OPRD1: variants seen among roughly 807,000 people sequenced by gnomAD.
The protein encoded by OPRD1 is opioid receptor delta 1.
Under a neutral mutation model 17.5 loss-of-function variants are expected in OPRD1, and 19 were observed. The observed-to-expected ratio is 1.09, with a 90% CI of 0.76 to 1.60. The LOEUF is 1.60. Ranked by LOEUF, OPRD1 falls within the 40% of genes most tolerant of loss-of-function variation. The probability of loss-of-function intolerance (pLI) is 0.00; values close to 1 mark genes in which losing one functional copy is unlikely to be tolerated. For synonymous variants in OPRD1, 256 were observed against 240.9 expected, an observed-to-expected ratio of 1.06 and a Z score of -0.58; for missense variants, 483 against 547.2, an observed-to-expected ratio of 0.88 and a Z score of 1.17.
intron 1 of OPRD1, among the ~76,000 whole-genome samples, chr1:28,832,472 C>T (rs1338792444): frequency 6.6e-6 from 1 of 152,022 alleles, no homozygotes; most frequent in Admixed American, 6.6e-5. Context: ...ACAAAATTAG[C>T]CAGGAATGGT....
At chr1:28,822,420 T>C (rs1187705095) in intron 1 of OPRD1, among the ~76,000 whole-genome samples, 1 of 152,006 alleles carries the variant, frequency 6.6e-6, no homozygotes, top group East Asian at 1.9e-4. Flanking sequence ...CAAGCAGAAT[T>C]GCAGGCCCCT....
Position 28,830,633 on chromosome 1 carries a change from T to TTGTATGAGCTC in OPRD1, c.227+18023_227+18024insTGTATGAGCTC, listed in dbSNP as rs1356732551. Among the ~76,000 whole-genome samples, 7 of 152,194 alleles carry TTGTATGAGCTC rather than the reference T, an allele frequency of 4.6e-5. No homozygotes were observed. In the East Asian group the frequency reaches 5.8e-4, roughly 13 times the overall value. ...AAGAATTACCAAAATATGACATAGA[T>TTGTATGAGCTC]ACAAAGTGAGCACTTGCTGTTGGAA... On this transcript the variant is annotated intron_variant, in intron 1 of 2. Coordinates refer to ENST00000234961, the MANE Select transcript of OPRD1 (RefSeq NM_000911.4).
chr1:28,848,085 TA>T (rs897640039), intron 1 of OPRD1, among the ~76,000 whole-genome samples: 3 of 151,948 alleles, frequency 2.0e-5, no homozygotes, highest in African/African-American at 4.8e-5. Flanking sequence ...TGTTCCCTAC[TA>T]AAAATACAAA....
rs572660798 is a variant in OPRD1, at chr1:28,862,713, G to A, written c.578-29G>A. ...CTTAGGCACACAGGCCCCTCACCCC[G>A]TCTGTCTTTCCTTGTTTCCGCGGCC... On this transcript the variant is annotated intron_variant, in intron 2 of 2. Coordinates refer to ENST00000234961, the MANE Select transcript of OPRD1 (RefSeq NM_000911.4). 8 of 1,556,434 alleles carry A rather than the reference G, an allele frequency of 5.1e-6. No homozygotes were observed. The South Asian group carries it at 7.4e-5, about 14-fold the overall frequency.
At chr1:28,822,488 CTGAT>C (rs1448510266) in intron 1 of OPRD1, among the ~76,000 whole-genome samples, 1 of 151,750 alleles carries the variant, frequency 6.6e-6, no homozygotes, top group African/African-American at 2.4e-5. Context: ...GATTGATTGA[CTGAT>C]TGATTTTAGA....
intron 1 of OPRD1, among the ~76,000 whole-genome samples, chr1:28,818,045 C>A (rs1227012329): frequency 6.6e-6 from 1 of 151,992 alleles, no homozygotes; most frequent in African/African-American, 2.4e-5. Context: ...AAAATTGGGG[C>A]GATATGACAG....
chr1:28,870,303 G>A lies in OPRD1; in HGVS notation c.*7020G>A, dbSNP rs2089206316. ...GTCTCACTCTGTCACCCAGGCTGAA[G>A]TGCAATGGCGAGATCTCGGCTCACT... is the stretch of plus-strand genomic sequence containing the variant. On this transcript the variant is annotated 3_prime_UTR_variant, in exon 3 of 3. Coordinates refer to ENST00000234961, the MANE Select transcript of OPRD1 (RefSeq NM_000911.4). 6.7e-6 allele frequency: 1 copy of A among 148,226 alleles called. No homozygotes were observed. The highest frequency in any genetic ancestry group is 1.5e-5 in the Non-Finnish European group (1 of 67,600). 9.2% of individuals were successfully genotyped at this position (148,226 alleles called of 1,614,324 possible). A position where few individuals can be genotyped will look rare whatever the true frequency, so the allele number is the denominator to read the frequency against.
At position 28,867,540 on chromosome 1, in the gene OPRD1, C is replaced by T. The variant is rs757615926; in HGVS notation, c.*4257C>T. The T allele has an allele frequency of 3.3e-5, 5 of 151,778 alleles. No individual in the cohort carries two copies. Among genetic ancestry groups the T allele is most frequent in the Non-Finnish European group, 5.9e-5 (4 of 68,016 alleles). The allele number at this position is 151,778 out of a possible 1,614,324, so 9.4% of individuals were successfully genotyped here. ...TTTTTCAATAGAGACCAGAGTGTCTCTGTGTTGCCCAGACTGGTCTTGAAC... is the reference window on the plus strand; with the variant it reads ...TTTTTCAATAGAGACCAGAGTGTCTTTGTGTTGCCCAGACTGGTCTTGAAC... On this transcript the variant is annotated 3_prime_UTR_variant, in exon 3 of 3. Coordinates refer to ENST00000234961, the MANE Select transcript of OPRD1 (RefSeq NM_000911.4).
chr1:28,837,048 G>A (rs2088859555), intron 1 of OPRD1, among the ~76,000 whole-genome samples: 1 of 152,108 alleles, frequency 6.6e-6, no homozygotes, highest in South Asian at 2.1e-4. Flanking sequence ...CTCACCGTAA[G>A]GTAGAATCAG....
intron 1 of OPRD1, among the ~76,000 whole-genome samples, chr1:28,833,811 G>C (rs1310826491): frequency 6.6e-6 from 1 of 152,178 alleles, no homozygotes; most frequent in Admixed American, 6.6e-5. Context: ...AAATGCCGTG[G>C]TAGTGCTTAC....
chr1:28,834,115 T>C (rs2088829939), intron 1 of OPRD1, among the ~76,000 whole-genome samples: 1 of 152,158 alleles, frequency 6.6e-6, no homozygotes, highest in African/African-American at 2.4e-5. Context: ...TTTCACCATG[T>C]TGGCCAGTTT....
chr1:28,858,854 C>T lies in OPRD1; in HGVS notation c.228-100C>T, dbSNP rs905656881. On this transcript the variant is annotated intron_variant, in intron 1 of 2. Transcript: ENST00000234961. ...AGGCACCATGCCTAGCCTCCCCTGACCTTTTGCATGTCCTTAGGAAAGCTA... is the reference window on the plus strand; with the variant it reads ...AGGCACCATGCCTAGCCTCCCCTGATCTTTTGCATGTCCTTAGGAAAGCTA... 8 of 1,184,300 alleles carry T rather than the reference C, an allele frequency of 6.8e-6. No homozygotes were observed. The African/African-American group carries it at 1.2e-4, about 18-fold the overall frequency. 73.4% of individuals were successfully genotyped at this position (1,184,300 alleles called of 1,614,324 possible). A position where few individuals can be genotyped will look rare whatever the true frequency, so the allele number is the denominator to read the frequency against.
In OPRD1 at chr1:28,855,679, C is replaced by G. The variant is rs963196110; in HGVS notation, c.228-3275C>G. 2.6e-5 allele frequency among the ~76,000 whole-genome samples: 4 copies of G among 152,290 alleles called. No homozygotes were observed. The South Asian group carries it at 8.3e-4, about 32-fold the overall frequency. ...CACCCACTTCCCAGCATCCCAGCCCCCTCTGGGAATGGAAGGATCCTTCAC... is the reference window on the plus strand; with the variant it reads ...CACCCACTTCCCAGCATCCCAGCCCGCTCTGGGAATGGAAGGATCCTTCAC... On this transcript the variant is annotated intron_variant, in intron 1 of 2. Transcript: ENST00000234961.
chr1:28,863,249 C>T lies in OPRD1; in HGVS notation c.1085C>T (p.Pro362Leu), dbSNP rs975083278. Residue 362 changes from proline to leucine, a missense_variant, in exon 3 of 3, where the codon CCG (proline) becomes CTG (leucine). Pro to Leu is a moderately conservative substitution (Grantham distance 98, BLOSUM62 -3). Transcript: ENST00000234961. ...TARERVTACT[P>L]SDGPGGGAAA is the part of the protein sequence containing the mutation. The stretch of plus-strand genomic sequence containing the variant: ...CGCGAGCGTGTCACCGCCTGCACCC[C>T]GTCCGATGGTCCCGGCGGTGGCGCT... 4 of 1,523,498 alleles carry T rather than the reference C, an allele frequency of 2.6e-6. No individual in the cohort carries two copies. The highest frequency in any genetic ancestry group is 1.2e-5 in the South Asian group (1 of 80,036). 94.4% of individuals were successfully genotyped at this position (1,523,498 alleles called of 1,614,324 possible). A position where few individuals can be genotyped will look rare whatever the true frequency, so the allele number is the denominator to read the frequency against.
chr1:28,845,944 C>T (rs1044177038), intron 1 of OPRD1, among the ~76,000 whole-genome samples: 3 of 152,314 alleles, frequency 2.0e-5, no homozygotes, highest in Non-Finnish European at 4.4e-5. Context: ...AAGAAACTCA[C>T]ATAAATGAAC....
rs1177963730 is a variant in OPRD1, at chr1:28,859,297, C to T, written c.571C>T (p.Pro191Ser). The T allele has an allele frequency of 1.9e-6, 3 of 1,610,714 alleles. No homozygotes were observed. Among genetic ancestry groups the T allele is most frequent in the Admixed American group, 1.7e-5 (1 of 59,894 alleles). Residue 191 changes from proline (P) to serine (S), a missense_variant, in exon 2 of 3, where the codon CCC (proline) becomes TCC (serine). By Grantham distance (74) the Pro-to-Ser change is moderately conservative. Transcript: ENST00000234961. ...CATCATGGTCATGGCTGTGACCCGT[C>T]CCCGGGGTGAGTGAGTGAGTGCACC... ...VPIMVMAVTR[P>S]RDGAVVCMLQ...
chr1:28,846,704 AAGAGAG>A (rs61567872), intron 1 of OPRD1, among the ~76,000 whole-genome samples: 1 of 140,576 alleles, frequency 7.1e-6, no homozygotes, highest in South Asian at 2.3e-4. Context: ...AAAAAAAAAA[AAGAGAG>A]AGAGAGAGCG....
At chr1:28,819,767 G>A in intron 1 of OPRD1, among the ~76,000 whole-genome samples, 1 of 152,204 alleles carries the variant, frequency 6.6e-6, no homozygotes. Context: ...ATGGCGGAAT[G>A]GAGGCGAGTG....
chr1:28,815,498 C>G (rs1418807310), intron 1 of OPRD1, among the ~76,000 whole-genome samples: 1 of 152,176 alleles, frequency 6.6e-6, no homozygotes, highest in Non-Finnish European at 1.5e-5. Context: ...AGGCTGCTGT[C>G]CTTTGGGGAG....
Sources: gnomAD v4.1 joint callset for allele counts (sites outside exome capture counted in the v4.1 genomes callset) on GRCh38, gnomAD v4.1.1 for gene constraint, MANE v1.5 for transcripts, NCBI Gene and HGNC (gene_info 2026-07-23, HGNC 2026-07-21) for gene names.